The following SHISAL1 variants were observed in gnomAD, a reference collection of about 807,000 sequenced individuals.
The protein encoded by SHISAL1 is protein shisa-like-1.
In SHISAL1, 9 loss-of-function variants were observed where a neutral mutation model predicts 22.6. The ratio of observed to expected loss-of-function variants is 0.40; its 90% CI spans 0.24 to 0.70. The LOEUF (loss-of-function observed/expected upper bound fraction) is 0.70, where lower values mean the gene tolerates loss of function less well. Among genes scored for constraint, SHISAL1 ranks in the 30% least tolerant of loss-of-function variants. SHISAL1 has a pLI of 0.39. For missense variants in SHISAL1, 246 were observed against 270.6 expected (o/e 0.91, Z 0.64); for synonymous variants, 119 against 115.4 (o/e 1.03, Z -0.20).
At chr22:44,267,530 C>G (rs1379936311) in intron 4 of SHISAL1, among the ~76,000 whole-genome samples, 3 of 152,132 alleles carry the variant, frequency 2.0e-5, no homozygotes, top group Non-Finnish European at 4.4e-5. Context: ...GAGCGGCAGC[C>G]TCTCTGGTAG....
chr22:44,275,711 T>G (rs2055235099), intron 4 of SHISAL1, among the ~76,000 whole-genome samples: 1 of 152,154 alleles, frequency 6.6e-6, no homozygotes, highest in Non-Finnish European at 1.5e-5. Flanking sequence ...TGCCGTGCAG[T>G]TCCCAGCAAT....
chr22:44,260,276 G>A (rs144039851), intron 4 of SHISAL1, among the ~76,000 whole-genome samples: 1 of 152,268 alleles, frequency 6.6e-6, no homozygotes, highest in Non-Finnish European at 1.5e-5. Flanking sequence ...ACTAGACCTC[G>A]TTCTGTTCAT....
rs150216500 is a variant in SHISAL1, at chr22:44,268,310, ACT to A, written c.599+17116_599+17117del. Among the ~76,000 whole-genome samples, 988 of 151,854 alleles carry A rather than the reference ACT, an allele frequency of 6.5e-3. 35 individuals are homozygous for A. The South Asian group carries it at 0.077, about 12-fold the overall frequency. ...TGCCTCCCGCTCTACGAAAATAAAG[ACT>A]CTTTCTCCTTTGCCTCCTGCTATGA... On this transcript the variant is annotated intron_variant, in intron 4 of 4. Transcript: ENST00000381176.
At chr22:44,303,552 A>G (rs7410504) in intron 1 of SHISAL1, among the ~76,000 whole-genome samples, 115,677 of 151,830 alleles carry the variant, frequency 0.76, 44,217 homozygotes, top group Non-Finnish European at 0.8. Context: ...GAACAGATTC[A>G]CCCCTACAGC....
intron 4 of SHISAL1, among the ~76,000 whole-genome samples, chr22:44,270,143 C>T (rs1255222463): frequency 6.6e-6 from 1 of 152,246 alleles, no homozygotes; most frequent in South Asian, 2.1e-4. Flanking sequence ...AAAACCCCAC[C>T]TGACGAAGTC....
intron 4 of SHISAL1, among the ~76,000 whole-genome samples, chr22:44,276,543 G>A (rs1426245882): frequency 1.3e-5 from 2 of 151,998 alleles, no homozygotes; most frequent in Non-Finnish European, 2.9e-5. Context: ...GGACAAGGAG[G>A]GCTGATCTCA....
chr22:44,300,151 A>G (rs2055417721), intron 2 of SHISAL1, among the ~76,000 whole-genome samples: 1 of 152,064 alleles, frequency 6.6e-6, no homozygotes, highest in East Asian at 1.9e-4. Flanking sequence ...AGAAACAGAG[A>G]GAGACAGAGA....
intron 2 of SHISAL1, among the ~76,000 whole-genome samples, chr22:44,300,428 C>T (rs1169977037): frequency 6.6e-6 from 1 of 152,202 alleles, no homozygotes; most frequent in African/African-American, 2.4e-5. Context: ...CACCTGCGAC[C>T]TCAACTGGGA....
At chr22:44,264,892 ACACATACACCAGAGCCCCCAG>A (rs1231230579) in intron 4 of SHISAL1, among the ~76,000 whole-genome samples, 1 of 151,874 alleles carries the variant, frequency 6.6e-6, no homozygotes, top group Non-Finnish European at 1.5e-5. Context: ...GAGGTCCCCA[ACACATACACCAGAGCCCCCAG>A]CAATTCACAA....
chr22:44,297,253 T>A (rs1053377016), intron 2 of SHISAL1, among the ~76,000 whole-genome samples: 1 of 152,220 alleles, frequency 6.6e-6, no homozygotes, highest in Non-Finnish European at 1.5e-5. Context: ...GATCCCACTT[T>A]ACAGATGGAG....
chr22:44,254,043 G>A (rs1409093014), intron 4 of SHISAL1, among the ~76,000 whole-genome samples: 1 of 151,856 alleles, frequency 6.6e-6, no homozygotes. Context: ...GCCACCAAGA[G>A]GTCTATAAAC....
At chr22:44,284,522 G>C (rs2055297888) in intron 4 of SHISAL1, among the ~76,000 whole-genome samples, 2 of 152,150 alleles carry the variant, frequency 1.3e-5, no homozygotes, top group South Asian at 4.1e-4. Context: ...TTGCAGCCTG[G>C]GCTTGGTATC....
At position 44,296,653 on chromosome 22, in the gene SHISAL1, C is replaced by G. The variant is rs910732326; in HGVS notation, c.281+19G>C. 1 of 1,609,052 alleles carries G rather than the reference C, an allele frequency of 6.2e-7. No individual in the cohort carries two copies. Among genetic ancestry groups the G allele is most frequent in the African/African-American group, 1.3e-5 (1 of 74,832 alleles). ...TGGGGCCCGAGGCAGTGGGGTTGCA[C>G]CCCCAGAGTGGCACTCACTTGTGCA... On this transcript the variant is annotated intron_variant, in intron 3 of 4. Transcript: ENST00000381176.
intron 4 of SHISAL1, among the ~76,000 whole-genome samples, chr22:44,255,047 G>A (rs1313678406): frequency 6.6e-6 from 1 of 151,972 alleles, no homozygotes; most frequent in Non-Finnish European, 1.5e-5. Flanking sequence ...CCCCTCTCCT[G>A]ATCCTCCTCC....
chr22:44,321,336 C>T, the SHISAL1 span, among the ~76,000 whole-genome samples: 1 of 152,198 alleles, frequency 6.6e-6, no homozygotes, highest in Non-Finnish European at 1.5e-5. Context: ...TCTCCCAGAC[C>T]CATTTCCCAG....
intron 4 of SHISAL1, among the ~76,000 whole-genome samples, chr22:44,255,729 G>A (rs1448987000): frequency 6.6e-6 from 1 of 152,148 alleles, no homozygotes; most frequent in African/African-American, 2.4e-5. Flanking sequence ...AAAACTCTCA[G>A]TGGCTCCCAG....
At chr22:44,291,330 T>C (rs558839070) in intron 3 of SHISAL1, among the ~76,000 whole-genome samples, 2 of 152,224 alleles carry the variant, frequency 1.3e-5, no homozygotes, top group Non-Finnish European at 2.9e-5. Context: ...GCTCCTCTCC[T>C]TGGCATAACT....
At chr22:44,281,562 A>C in intron 4 of SHISAL1, among the ~76,000 whole-genome samples, 1 of 151,882 alleles carries the variant, frequency 6.6e-6, no homozygotes, top group Non-Finnish European at 1.5e-5. Flanking sequence ...TGGGAGGAAA[A>C]CCCAGGACCT....
chr22:44,265,555 C>T (rs376239263), intron 4 of SHISAL1, among the ~76,000 whole-genome samples: 3 of 152,056 alleles, frequency 2.0e-5, no homozygotes, highest in Non-Finnish European at 4.4e-5. Context: ...GACTCCAAGC[C>T]AGGAGACCTA....
Sources: gnomAD v4.1 joint callset for allele counts (sites outside exome capture counted in the v4.1 genomes callset) on GRCh38, gnomAD v4.1.1 for gene constraint, MANE v1.5 for transcripts, NCBI Gene and HGNC (gene_info 2026-07-23, HGNC 2026-07-21) for gene names.